Variants in NCR1 observed in about 807,000 individuals in gnomAD.
NCR1 encodes natural cytotoxicity triggering receptor 1, also known as NK cell-activating receptor.
Under a neutral mutation model 32.5 loss-of-function variants are expected in NCR1, and 30 were observed. The observed-to-expected ratio is 0.92, with a 90% CI of 0.69 to 1.25. The LOEUF is 1.25. Ranked by LOEUF, NCR1 falls within the 50% of genes most tolerant of loss-of-function variation. NCR1 has a pLI of 0.00. For synonymous variants in NCR1, 169 were observed against 143.4 expected (o/e 1.18, Z -1.28); for missense variants, 369 against 380.7 (o/e 0.97, Z 0.26).
At chr19:54,936,007 G>C in the NCR1 span, among the ~76,000 whole-genome samples, 1 of 152,140 alleles carries the variant, frequency 6.6e-6, no homozygotes, top group Admixed American at 6.6e-5. Context: ...GTGCAGTCAG[G>C]AATAGCATGT....
At chr19:54,913,911 TATAAAAATTA>T (rs893666597), downstream of NCR1, among the ~76,000 whole-genome samples, 3 of 151,862 alleles carry the variant, frequency 2.0e-5, no homozygotes, top group African/African-American at 7.3e-5. Context: ...CTACTAAAAA[TATAAAAATTA>T]GCCAGGTATG....
At chr19:54,934,575 A>G in the NCR1 span, 64 of 1,613,996 alleles carry the variant, frequency 4.0e-5, no homozygotes, top group Admixed American at 1.1e-3. The surrounding 1 kb of genome is among the most constrained non-coding windows in gnomAD (Gnocchi z 6.7). Flanking sequence ...TGGCTGAGAG[A>G]CGCAGGTGCT....
chr19:54,912,772 C>G lies in NCR1; in HGVS notation c.816C>G (p.Phe272Leu), dbSNP rs2068041990. The G allele has an allele frequency of 2.5e-6, 4 of 1,613,892 alleles. No individual in the cohort carries two copies. The highest frequency in any genetic ancestry group is 3.4e-6 in the Non-Finnish European group (4 of 1,180,022). ...TAGTCCTGGTGGCTCTAGTGTGGTT[C>G]CTGGTTGAAGACTGGCTCAGCAGGA... ...AFLVLVALVW[F>L]LVEDWLSRKR... is the part of the protein sequence containing the mutation. The change falls in exon 7 of 7, where the codon TTC becomes TTG. Residue 272 changes from phenylalanine to leucine, a missense_variant. By Grantham distance (22) the Phe-to-Leu change is conservative. Coordinates refer to ENST00000291890, the MANE Select transcript of NCR1 (RefSeq NM_004829.7).
chr19:54,910,158 C>T, intron 5 of NCR1, 93 bp downstream of exon 5: 2 of 1,291,090 alleles, frequency 1.5e-6, no homozygotes, highest in Non-Finnish European at 2.2e-6. Flanking sequence ...TCATCGAGGC[C>T]AGGCGTGGTG....
At chr19:54,909,633 G>A in intron 4 of NCR1, 110 bp downstream of exon 4, 1 of 1,356,046 alleles carries the variant, frequency 7.4e-7, no homozygotes, top group Non-Finnish European at 9.9e-7. Context: ...CCACTTCCTG[G>A]GTGCCTGGTT....
the NCR1 span, among the ~76,000 whole-genome samples, chr19:54,935,487 G>A: frequency 6.6e-6 from 1 of 152,132 alleles, no homozygotes; most frequent in Admixed American, 6.6e-5. Context: ...CTTGAGGTCA[G>A]GAGTTCGAGA....
the NCR1 span, among the ~76,000 whole-genome samples, chr19:54,932,902 T>C: frequency 1.3e-5 from 2 of 151,926 alleles, no homozygotes; most frequent in African/African-American, 2.4e-5. Context: ...TGCCCACCAT[T>C]CACCACCTGT....
chr19:54,930,988 A>G, the NCR1 span, among the ~76,000 whole-genome samples: 1 of 149,478 alleles, frequency 6.7e-6, no homozygotes, highest in Admixed American at 6.7e-5. Flanking sequence ...GCGCCACTGC[A>G]CTCCAGCCCG....
the NCR1 span, among the ~76,000 whole-genome samples, chr19:54,931,952 G>A: frequency 6.6e-6 from 1 of 152,032 alleles, no homozygotes; most frequent in Non-Finnish European, 1.5e-5. Flanking sequence ...GACAGGATCT[G>A]AGCCCTGGGT....
At chr19:54,906,934 A>AT in intron 3 of NCR1, 127 bp downstream of exon 3, 1 of 1,129,096 alleles carries the variant, frequency 8.9e-7, no homozygotes, top group Non-Finnish European at 1.3e-6. Flanking sequence ...AGGAGGGGTG[A>AT]TCCCCATCAC....
downstream of NCR1, among the ~76,000 whole-genome samples, chr19:54,919,978 G>C (rs1043898077): frequency 6.6e-6 from 1 of 152,200 alleles, no homozygotes; most frequent in Non-Finnish European, 1.5e-5. Flanking sequence ...TATGATTATA[G>C]AGTGAGGATT....
At chr19:54,902,487 C>T (rs1261117865), upstream of NCR1, among the ~76,000 whole-genome samples, 2 of 151,602 alleles carry the variant, frequency 1.3e-5, no homozygotes, top group Non-Finnish European at 2.9e-5. Context: ...TTTTTTTTCC[C>T]CCAGGCTCGT....
chr19:54,932,171 G>C, the NCR1 span, among the ~76,000 whole-genome samples: 2 of 151,988 alleles, frequency 1.3e-5, no homozygotes, highest in South Asian at 4.2e-4. Context: ...CTCATGCCTG[G>C]AACGCCAGCA....
chr19:54,936,407 G>C, the NCR1 span: 2 of 1,614,070 alleles, frequency 1.2e-6, no homozygotes, highest in Non-Finnish European at 1.7e-6. Context: ...CCCGGTACGC[G>C]GTGTCAGGGG....
At chr19:54,902,914 G>A (rs587664673), upstream of NCR1, among the ~76,000 whole-genome samples, 92 of 152,266 alleles carry the variant, frequency 6.0e-4, 1 homozygote, top group South Asian at 0.014. Context: ...CTGATCACTT[G>A]AGGTCAAGAG....
chr19:54,932,382 T>C, the NCR1 span, among the ~76,000 whole-genome samples: 2 of 149,634 alleles, frequency 1.3e-5, no homozygotes, highest in African/African-American at 2.5e-5. Context: ...CAGCCAAGAT[T>C]ACACCACTGC....
chr19:54,912,071 T>C (rs1321600813), intron 5 of NCR1, 97 bp from the exon 6 acceptor site: 1 of 1,090,818 alleles, frequency 9.2e-7, no homozygotes, highest in Non-Finnish European at 1.4e-6. Context: ...TGGGACCTTG[T>C]AAAGCTGCAG....
chr19:54,916,494 T>C (rs943382965), downstream of NCR1, among the ~76,000 whole-genome samples: 1 of 150,474 alleles, frequency 6.6e-6, no homozygotes, highest in African/African-American at 2.4e-5. Flanking sequence ...AATTTTTGTA[T>C]TTTTAGTAGA....
downstream of NCR1, among the ~76,000 whole-genome samples, chr19:54,914,628 C>T (rs894284267): frequency 2.6e-5 from 4 of 151,910 alleles, no homozygotes; most frequent in African/African-American, 4.8e-5. Flanking sequence ...TGTGAGTCAC[C>T]GTACCCGGCC....
Sources: gnomAD v4.1 joint callset for allele counts (sites outside exome capture counted in the v4.1 genomes callset) on GRCh38, gnomAD v4.1.1 for gene constraint, Gnocchi (gnomAD v3.1) non-coding constraint, MANE v1.5 for transcripts, NCBI Gene and HGNC (gene_info 2026-07-23, HGNC 2026-07-21) for gene names.